WRAP53: variants seen among roughly 807,000 people sequenced by gnomAD.
WRAP53 encodes the protein telomerase Cajal body protein 1.
In WRAP53, 28 loss-of-function variants were observed where a neutral mutation model predicts 56.6. That is an observed-to-expected ratio of 0.50 (90% confidence interval 0.37 to 0.68). The LOEUF (loss-of-function observed/expected upper bound fraction) is 0.68. Ranked by LOEUF, WRAP53 falls within the 30% of genes least tolerant of loss-of-function variation. The probability of loss-of-function intolerance (pLI) is 0.00; values close to 1 mark genes in which losing one functional copy is unlikely to be tolerated. For synonymous variants in WRAP53, 283 were observed against 283.4 expected (o/e 1.00, Z 0.01); for missense variants, 671 against 715.5 (o/e 0.94, Z 0.71).
chr17:7,702,679 C>T lies in WRAP53; in HGVS notation c.1165-64C>T, dbSNP rs2074291310. On this transcript the variant is annotated intron_variant, in intron 8 of 10. Transcript: ENST00000396463. The surrounding 1 kb of genome is among the most constrained non-coding windows in gnomAD (Gnocchi z 5.0). ...CCAAGCTGAAGGAGTGCCTGGAGAC[C>T]CCGAGGGAGGCAGGGACATCCAGGG... 14 of 1,602,068 alleles carry T rather than the reference C, an allele frequency of 8.7e-6. No homozygotes were observed. The highest frequency in any genetic ancestry group is 1.1e-5 in the Non-Finnish European group (13 of 1,175,566).
At chr17:7,699,454 ATATT>A (rs1199556103) in intron 4 of WRAP53, among the ~76,000 whole-genome samples, 4 of 49,554 alleles carry the variant, frequency 8.1e-5, no homozygotes, top group African/African-American at 3.8e-4. Flanking sequence ...ATATATATAT[ATATT>A]TATATATATA....
rs35901058 is a variant in WRAP53 at position 7,696,290 on chromosome 17, A to ATTTTTT, written c.643-4430_643-4425dup. 2.9e-4 allele frequency among the ~76,000 whole-genome samples: 23 copies of ATTTTTT among 79,924 alleles called. 3 individuals carry two copies. The highest frequency in any genetic ancestry group is 1.2e-3 in the African/African-American group (22 of 18,520). 52.4% of individuals were successfully genotyped at this position (79,924 alleles called of 152,430 possible). A position where few individuals can be genotyped will look rare whatever the true frequency, so the allele number is the denominator to read the frequency against. ...AGAGTCAAAATGGCGGGACTCAGAG[A>ATTTTTT]TTTTTTTTTTTTTTTTTTTTTTTTT... On this transcript the variant is annotated intron_variant, in intron 4 of 10. Coordinates refer to ENST00000396463, the MANE Select transcript of WRAP53 (RefSeq NM_001143992.2).
intron 3 of WRAP53, 116 bp downstream of exon 3, chr17:7,689,438 T>C (rs1184095746): frequency 7.8e-7 from 1 of 1,277,428 alleles, no homozygotes; most frequent in African/African-American, 1.5e-5. Context: ...GTAGCCCTTT[T>C]AGACTGAGCT....
At chr17:7,699,482 A>T (rs796267523) in intron 4 of WRAP53, among the ~76,000 whole-genome samples, 2,583 of 17,982 alleles carry the variant, frequency 0.14, 196 homozygotes, top group East Asian at 0.22. Flanking sequence ...ATATTTATAT[A>T]TATATATATA....
At chr17:7,699,486 A>ATATATT (rs2074237560) in intron 4 of WRAP53, among the ~76,000 whole-genome samples, 1 of 14,448 alleles carries the variant, frequency 6.9e-5, no homozygotes, top group African/African-American at 3.1e-4. Context: ...TTATATATAT[A>ATATATT]TATATATATA....
chr17:7,686,328 G>A (rs188824921), upstream of WRAP53: 2 of 151,944 alleles, frequency 1.3e-5, no homozygotes, highest in Non-Finnish European at 2.9e-5. Flanking sequence ...CCGGGAAGAT[G>A]AGATATACTC....
Position 7,688,570 on chromosome 17 carries a change from C to T in WRAP53, c.-2+9C>T. On this transcript the variant is annotated intron_variant, in intron 1 of 10. Transcript: ENST00000396463. ...AGAGGAGGGAAGCACAGGTGGGTTT[C>T]TTTAGCTCTGCGTCGGATCCCTGAG... is the stretch of plus-strand genomic sequence containing the variant. The T allele has an allele frequency of 6.5e-7, 1 of 1,535,584 alleles. No homozygotes were observed. Among genetic ancestry groups the T allele is most frequent in the Non-Finnish European group, 8.9e-7 (1 of 1,128,376 alleles).
chr17:7,699,623 A>T (rs1370326485), intron 4 of WRAP53, among the ~76,000 whole-genome samples: 1 of 144,066 alleles, frequency 6.9e-6, no homozygotes, highest in South Asian at 2.2e-4. Flanking sequence ...GGGTTTAAAC[A>T]TATCTTTTTG....
chr17:7,702,208 C>T lies in WRAP53; in HGVS notation c.956-136C>T. 1.0e-6 allele frequency: 1 copy of T among 962,074 alleles called. No homozygotes were observed. Among genetic ancestry groups the T allele is most frequent in the South Asian group, 1.4e-5 (1 of 69,442 alleles). The allele number at this position is 962,074 out of a possible 1,614,324, so 59.6% of individuals were successfully genotyped here. A position where few individuals can be genotyped will look rare whatever the true frequency, so the allele number is the denominator to read the frequency against. Reference sequence around the variant, plus strand: ...GTGGGGAGCATCAGAGGTCTTTGTCCTGCTTGTGACAGACAGCATGGGGGG... The same window carrying T: ...GTGGGGAGCATCAGAGGTCTTTGTCTTGCTTGTGACAGACAGCATGGGGGG... On this transcript the variant is annotated intron_variant, in intron 7 of 10. Coordinates refer to ENST00000396463, the MANE Select transcript of WRAP53 (RefSeq NM_001143992.2). This position sits in a 1 kb window ranked among gnomAD's most constrained non-coding sequence, Gnocchi z 5.0.
rs200422780 is a variant in WRAP53 at position 7,703,145 on chromosome 17, A to G, written c.1403+18A>G. 2.0e-5 allele frequency: 33 copies of G among 1,613,934 alleles called. No homozygotes were observed. In the East Asian group the frequency reaches 6.5e-4, roughly 32 times the overall value. On this transcript the variant is annotated intron_variant, in intron 10 of 10. Transcript: ENST00000396463. ...GGCGTGAGGTCCTCAGTTCAATTCC[A>G]GAGATGTTGGGGCTTGGGTTGGGGA... is the stretch of plus-strand genomic sequence containing the variant.
upstream of WRAP53, chr17:7,686,586 C>T (rs1345578364): frequency 6.6e-6 from 1 of 152,234 alleles, no homozygotes; most frequent in Non-Finnish European, 1.5e-5. Context: ...AGGAACCGGC[C>T]TAAAGGACAT....
rs1302937435 is a variant in WRAP53, at chr17:7,702,501, C to T, written c.1113C>T (p.Thr371=). Residue 371 remains threonine, a synonymous_variant, in exon 8 of 11, where the codon ACC becomes ACT. Transcript: ENST00000396463. The surrounding 1 kb of genome is among the most constrained non-coding windows in gnomAD (Gnocchi z 5.0). ...TGGGAGGGCACCAAGGGGGCATCAC[C>T]CACCTCTGCTTTCATCCCGATGGCA... ...ALLGGHQGGI[T]HLCFHPDGNR... is the part of the protein sequence containing the mutation. 1.9e-6 allele frequency: 3 copies of T among 1,613,406 alleles called. No homozygotes were observed. Among genetic ancestry groups the T allele is most frequent in the Admixed American group, 3.3e-5 (2 of 59,996 alleles).
Position 7,702,834 on chromosome 17 carries a change from TC to T in WRAP53, c.1257del (p.Phe419LeufsTer10), listed in dbSNP as rs1461668232. On this transcript the variant is annotated frameshift_variant, in exon 9 of 11. Transcript: ENST00000396463. LOFTEE classifies it high-confidence loss of function. The surrounding 1 kb of genome is among the most constrained non-coding windows in gnomAD (Gnocchi z 5.0). ...REVTTNQRIY[F>X]DLDPTGQFLV... ...GTGACCACCAATCAGCGCATCTACT[TC>T]GATCTGGACCCGTGAGTGGCTGTGA... 7 of 1,613,722 alleles carry T rather than the reference TC, an allele frequency of 4.3e-6. No individual in the cohort carries two copies. The highest frequency in any genetic ancestry group is 5.9e-6 in the Non-Finnish European group (7 of 1,179,960).
chr17:7,688,633 G>A lies in WRAP53; in HGVS notation c.-1-15G>A, dbSNP rs2074054239. 1 of 1,613,950 alleles carries A rather than the reference G, an allele frequency of 6.2e-7. No homozygotes were observed. Among genetic ancestry groups the A allele is most frequent in the South Asian group, 1.1e-5 (1 of 91,078 alleles). ...ATCCTGGCTGAGGCTAATCTCCGCT[G>A]TGCTTCCTCTGCAGTATGAAGACTT... On this transcript the variant is annotated splice_polypyrimidine_tract_variant and intron_variant, in intron 1 of 10. Transcript: ENST00000396463.
chr17:7,699,159 C>A (rs1232539245), intron 4 of WRAP53, among the ~76,000 whole-genome samples: 3 of 151,504 alleles, frequency 2.0e-5, no homozygotes, highest in Non-Finnish European at 4.4e-5. Flanking sequence ...GTGGCTCACA[C>A]CTGTAATCCC....
At position 7,688,784 on chromosome 17, in the gene WRAP53, GA is replaced by G; in HGVS notation, c.139del (p.Arg47GlyfsTer43). On this transcript the variant is annotated frameshift_variant, in exon 2 of 11. Transcript: ENST00000396463. LOFTEE classifies it high-confidence loss of function. ...ADSELMPPPP[E>X]RGDPPRLSPD... is the part of the protein sequence containing the mutation. ...CTCTGAACTGATGCCACCGCCTCCC[GA>G]AAGGGGGGATCCGCCCCGGTTGTCC... The G allele has an allele frequency of 6.2e-7, 1 of 1,614,150 alleles. No individual in the cohort carries two copies. The highest frequency in any genetic ancestry group is 1.1e-5 in the South Asian group (1 of 91,086).
intron 4 of WRAP53, among the ~76,000 whole-genome samples, chr17:7,696,615 A>G (rs545611207): frequency 1.3e-5 from 2 of 152,132 alleles, no homozygotes; most frequent in South Asian, 4.1e-4. Context: ...AGAGATTTTT[A>G]TGGGAATTAG....
At chr17:7,692,680 T>A (rs952975786) in intron 4 of WRAP53, among the ~76,000 whole-genome samples, 16 of 150,246 alleles carry the variant, frequency 1.1e-4, no homozygotes, top group African/African-American at 3.6e-4. Flanking sequence ...CCTAATCAGG[T>A]TCTGCCTCCA....
At chr17:7,689,469 G>T (rs928415437) in intron 3 of WRAP53, 121 bp from the exon 4 acceptor site, 2 of 1,259,582 alleles carry the variant, frequency 1.6e-6, no homozygotes, top group Non-Finnish European at 2.3e-6. Context: ...CTAGCAGTTT[G>T]TGTCTTCTAC....
Sources: gnomAD v4.1 joint callset for allele counts (sites outside exome capture counted in the v4.1 genomes callset) on GRCh38, gnomAD v4.1.1 for gene constraint, Gnocchi (gnomAD v3.1) non-coding constraint, MANE v1.5 for transcripts, NCBI Gene and HGNC (gene_info 2026-07-23, HGNC 2026-07-21) for gene names.